Variants in VASN observed in about 807,000 individuals in gnomAD.
VASN encodes the protein vasorin.
VASN carries 5 observed loss-of-function variants against 4.8 expected under a neutral mutation model. The ratio of observed to expected loss-of-function variants is 1.03; its 90% confidence interval spans 0.54 to 2.17. The LOEUF is 2.17. Ranked by LOEUF, VASN falls within the 30% of genes most tolerant of loss-of-function variation. The pLI is 0.01. For synonymous variants in VASN, 499 were observed against 460.8 expected (o/e 1.08, Z -1.06); for missense variants, 927 against 948.8 (o/e 0.98, Z 0.30).
At chr16:4,376,335 C>A (rs1274987794) in intron 1 of VASN, among the ~76,000 whole-genome samples, 1 of 152,194 alleles carries the variant, frequency 6.6e-6, no homozygotes, top group Non-Finnish European at 1.5e-5. Context: ...TTGGCAGACT[C>A]CCGGGGCTGG....
At position 4,381,717 on chromosome 16, in the gene VASN, T is replaced by A; in HGVS notation, c.840T>A (p.Pro280=). The A allele has an allele frequency of 6.2e-7, 1 of 1,606,974 alleles. No individual in the cohort carries two copies. The change falls in exon 2 of 2, where the codon CCT becomes CCA. Residue 280 remains proline (P), a synonymous_variant. Transcript: ENST00000304735. ...DVSNLSLQAL[P]GDLSGLFPRL... is the part of the protein sequence containing the mutation. ...GCAACCTAAGCCTGCAGGCCCTGCC[T>A]GGCGACCTCTCGGGCCTCTTCCCCC...
rs747929616 is a variant in VASN, at chr16:4,380,956, G to A, written c.79G>A (p.Gly27Ser). 19 of 1,601,472 alleles carry A rather than the reference G, an allele frequency of 1.2e-5. No individual in the cohort carries two copies. The highest frequency in any genetic ancestry group is 3.3e-5 in the South Asian group (3 of 90,140). ...LGPGVQGCPS[G>S]CQCSQPQTVF... The stretch of plus-strand genomic sequence containing the variant: ...GCCTGGGGTGCAGGGCTGCCCATCC[G>A]GCTGCCAGTGCAGCCAGCCACAGAC... The change falls in exon 2 of 2, where the codon GGC (glycine) becomes AGC (serine). Residue 27 changes from glycine (G) to serine (S), a missense_variant. Physicochemically the swap from Gly to Ser is moderately conservative, Grantham distance 56. Transcript: ENST00000304735.
chr16:4,382,719 G>T lies in VASN; in HGVS notation c.1842G>T (p.Gln614His), dbSNP rs1450090902. The T allele has an allele frequency of 6.4e-7, 1 of 1,551,768 alleles. No individual in the cohort carries two copies. The highest frequency in any genetic ancestry group is 2.4e-5 in the East Asian group (1 of 41,122). ...CAGCAGCGGCTCAGGACAAAGGGCA[G>T]GTGGGGCCAGGGGCTGGGCCCCTGG... The part of the protein sequence containing the change: ...AMAAAAQDKG[Q>H]VGPGAGPLEL... Residue 614 changes from glutamine (Q) to histidine (H), a missense_variant, in exon 2 of 2, where the codon CAG becomes CAT. By Grantham distance (24) the Gln-to-His change is conservative. Transcript: ENST00000304735.
At chr16:4,377,259 G>A (rs1301911339) in intron 1 of VASN, among the ~76,000 whole-genome samples, 1 of 150,566 alleles carries the variant, frequency 6.6e-6, no homozygotes, top group Non-Finnish European at 1.5e-5. Flanking sequence ...GGCTGCCTCC[G>A]GAACACCTCC....
At position 4,381,286 on chromosome 16, in the gene VASN, C is replaced by G; in HGVS notation, c.409C>G (p.Arg137Gly). 1 of 1,612,404 alleles carries G rather than the reference C, an allele frequency of 6.2e-7. No homozygotes were observed. The highest frequency in any genetic ancestry group is 8.5e-7 in the Non-Finnish European group (1 of 1,179,792). The change falls in exon 2 of 2, where the codon CGC becomes GGC. Residue 137 changes from arginine (R) to glycine (G), a missense_variant. Arg to Gly is a moderately radical substitution (Grantham distance 125). Transcript: ENST00000304735. ...ERLYLGKNRI[R>G]HIQPGAFDTL... ...CCTCTACCTGGGCAAGAACCGCATC[C>G]GCCACATCCAGCCTGGTGCCTTCGA...
At position 4,382,970 on chromosome 16, in the gene VASN, C is replaced by T. The variant is rs1379356463; in HGVS notation, c.*71C>T. On this transcript the variant is annotated 3_prime_UTR_variant, in exon 2 of 2. Coordinates refer to ENST00000304735, the MANE Select transcript of VASN (RefSeq NM_138440.3). The stretch of plus-strand genomic sequence containing the variant: ...GATGGCCAGCCCCCTCCTGCTGCCA[C>T]ACCACGTAAGTTCTCAGTCCCAACC... 5 of 1,420,650 alleles carry T rather than the reference C, an allele frequency of 3.5e-6. No homozygotes were observed. The highest frequency in any genetic ancestry group is 5.2e-5 in the East Asian group (2 of 38,764). The allele number at this position is 1,420,650 out of a possible 1,614,324, so 88.0% of individuals were successfully genotyped here.
intron 1 of VASN, among the ~76,000 whole-genome samples, chr16:4,376,296 G>A (rs753556085): frequency 4.3e-4 from 65 of 152,338 alleles, no homozygotes; most frequent in South Asian, 8.3e-4. Context: ...CGTCCTGGCC[G>A]CCGGCACAGT....
At chr16:4,374,945 G>A (rs941743671) in intron 1 of VASN, among the ~76,000 whole-genome samples, 1 of 152,120 alleles carries the variant, frequency 6.6e-6, no homozygotes, top group Admixed American at 6.5e-5. Flanking sequence ...CCTGGGTGGG[G>A]ACAGGGCAGT....
At chr16:4,373,273 G>A (rs1232175973) in intron 1 of VASN, among the ~76,000 whole-genome samples, 1 of 152,112 alleles carries the variant, frequency 6.6e-6, no homozygotes, top group African/African-American at 2.4e-5. Flanking sequence ...ATCCCCTCCA[G>A]ACCATTATCT....
Position 4,382,901 on chromosome 16 carries a change from C to T in VASN, c.*2C>T, listed in dbSNP as rs1246248490. 4.0e-6 allele frequency: 6 copies of T among 1,505,446 alleles called. No homozygotes were observed. The highest frequency in any genetic ancestry group is 2.3e-5 in the Admixed American group (1 of 43,502). 93.3% of individuals were successfully genotyped at this position (1,505,446 alleles called of 1,614,324 possible). A position where few individuals can be genotyped will look rare whatever the true frequency, so the allele number is the denominator to read the frequency against. On this transcript the variant is annotated 3_prime_UTR_variant, in exon 2 of 2. Transcript: ENST00000304735. ...CTCCACGCAAAGCCCTACATCTAAG[C>T]CAGAGAGAGACAGGGCAGCTGGGGC... is the stretch of plus-strand genomic sequence containing the variant.
At chr16:4,375,184 C>G (rs1372762015) in intron 1 of VASN, among the ~76,000 whole-genome samples, 1 of 152,182 alleles carries the variant, frequency 6.6e-6, no homozygotes, top group Admixed American at 6.5e-5. Flanking sequence ...TCTCCCTGCC[C>G]TGGGCTAACA....
At chr16:4,373,577 G>A (rs138427953) in intron 1 of VASN, among the ~76,000 whole-genome samples, 1 of 152,202 alleles carries the variant, frequency 6.6e-6, no homozygotes, top group African/African-American at 2.4e-5. Context: ...CTGGCACGCA[G>A]CCCAGGGGCC....
intron 1 of VASN, among the ~76,000 whole-genome samples, chr16:4,378,872 C>T (rs891471507): frequency 7.2e-5 from 11 of 152,054 alleles, no homozygotes; most frequent in African/African-American, 2.7e-4. Context: ...CTTGTTGTCG[C>T]TAACTGGCTA....
At position 4,381,461 on chromosome 16, in the gene VASN, A is replaced by G. The variant is rs1159915982; in HGVS notation, c.584A>G (p.Glu195Gly). 6.3e-7 allele frequency: 1 copy of G among 1,580,796 alleles called. No individual in the cohort carries two copies. Among genetic ancestry groups the G allele is most frequent in the Non-Finnish European group, 8.6e-7 (1 of 1,165,094 alleles). ...GGCATCCTGGACACTGCCAACGTGGAGGCGCTGCGGCTGGCTGGTCTGGGG... is the reference window on the plus strand; with the variant it reads ...GGCATCCTGGACACTGCCAACGTGGGGGCGCTGCGGCTGGCTGGTCTGGGG... ...EPGILDTANV[E>G]ALRLAGLGLQ... Residue 195 changes from glutamate (E) to glycine (G), a missense_variant, in exon 2 of 2, where the codon GAG (glutamate) becomes GGG (glycine). Coordinates refer to ENST00000304735, the MANE Select transcript of VASN (RefSeq NM_138440.3).
In VASN at chr16:4,382,585, C is replaced by T. The variant is rs1191447936; in HGVS notation, c.1708C>T (p.Arg570Cys). The T allele has an allele frequency of 2.5e-6, 4 of 1,587,434 alleles. No individual in the cohort carries two copies. The highest frequency in any genetic ancestry group is 1.1e-5 in the South Asian group (1 of 87,910). ...CAACCACGCCCCAGTCACCCAGGCC[C>T]GCGAGGGCAACCTGCCGCTCCTCAT... ...HSNHAPVTQAREGNLPLLIAP... is the reference protein window; with the variant it reads ...HSNHAPVTQACEGNLPLLIAP... Residue 570 changes from arginine to cysteine, a missense_variant, in exon 2 of 2, where the codon CGC becomes TGC. Coordinates refer to ENST00000304735, the MANE Select transcript of VASN (RefSeq NM_138440.3).
At position 4,381,982 on chromosome 16, in the gene VASN, A is replaced by C. The variant is rs1431518992; in HGVS notation, c.1105A>C (p.Thr369Pro). ...PTTRPVVREP[T>P]ALSSSLAPTW... ...CACGAGGCCCGTGGTGCGGGAGCCC[A>C]CAGCCTTGTCTTCTAGCTTGGCTCC... The change falls in exon 2 of 2, where the codon ACA (threonine) becomes CCA (proline). Residue 369 changes from threonine (T) to proline (P), a missense_variant. Transcript: ENST00000304735. 1.2e-6 allele frequency: 2 copies of C among 1,607,828 alleles called. No individual in the cohort carries two copies. Among genetic ancestry groups the C allele is most frequent in the African/African-American group, 2.7e-5 (2 of 74,844 alleles).
chr16:4,377,142 C>T (rs113238055), intron 1 of VASN, among the ~76,000 whole-genome samples: 4,208 of 152,182 alleles, frequency 0.028, 186 homozygotes, highest in African/African-American at 0.093. Context: ...GGAGCAAGGC[C>T]GGCAGCAGCA....
chr16:4,372,002 CTG>C lies in VASN; in HGVS notation c.-10+12_-10+13del, dbSNP rs1335065502. ...GCCGCCGCCGCCTCCCGGTGAGTTT[CTG>C]TGGGGCTGGGGGGCTGCGGGCGGGG... On this transcript the variant is annotated intron_variant, in intron 1 of 1. Coordinates refer to ENST00000304735, the MANE Select transcript of VASN (RefSeq NM_138440.3). 1 of 152,532 alleles carries C rather than the reference CTG, an allele frequency of 6.6e-6. No homozygotes were observed. Among genetic ancestry groups the C allele is most frequent in the Non-Finnish European group, 1.5e-5 (1 of 68,382 alleles). The allele number at this position is 152,532 out of a possible 1,614,324, so 9.4% of individuals were successfully genotyped here. A position where few individuals can be genotyped will look rare whatever the true frequency, so the allele number is the denominator to read the frequency against.
At chr16:4,378,968 G>A (rs911059483) in intron 1 of VASN, among the ~76,000 whole-genome samples, 17 of 152,160 alleles carry the variant, frequency 1.1e-4, no homozygotes, top group African/African-American at 3.6e-4. Flanking sequence ...GCCCAACCCC[G>A]GGGACAAGGG....
Sources: allele counts gnomAD v4.1 joint callset (sites outside exome capture counted in the v4.1 genomes callset), GRCh38; gene constraint gnomAD v4.1.1; transcripts MANE v1.5; gene names NCBI Gene and HGNC (gene_info 2026-07-23, HGNC 2026-07-21).